The following RIT2 variants were observed in gnomAD, a reference collection of about 807,000 sequenced individuals.
RIT2 encodes Ras like without CAAX 2, also known as GTP-binding protein Rit2.
A neutral mutation model predicts 23.7 loss-of-function variants in RIT2; 24 were observed. That is an observed-to-expected ratio of 1.01 (90% CI 0.73 to 1.43). The LOEUF (loss-of-function observed/expected upper bound fraction) is 1.43. Among genes scored for constraint, RIT2 ranks in the 40% most tolerant of loss-of-function variants. The pLI, the probability that RIT2 is intolerant of heterozygous loss-of-function variation, is 0.00. For synonymous variants in RIT2, 107 were observed against 91.1 expected (o/e 1.17, Z -0.99); for missense variants, 236 against 266.9 (o/e 0.88, Z 0.81).
intron 3 of RIT2, among the ~76,000 whole-genome samples, chr18:42,954,148 C>T (rs1909916230): frequency 6.6e-6 from 1 of 152,014 alleles, no homozygotes; most frequent in Admixed American, 6.6e-5. Context: ...GAGGCCGAGG[C>T]AGGCAGGTCA....
intron 2 of RIT2, among the ~76,000 whole-genome samples, chr18:42,983,612 A>C (rs1401497643): frequency 6.6e-6 from 1 of 152,040 alleles, no homozygotes; most frequent in African/African-American, 2.4e-5. Context: ...TTGACAAAAA[A>C]CTCATGTTTA....
chr18:42,757,646 T>C (rs1034094313), intron 4 of RIT2, among the ~76,000 whole-genome samples: 1 of 152,208 alleles, frequency 6.6e-6, no homozygotes, highest in Non-Finnish European at 1.5e-5. Flanking sequence ...CCTGTGCTTA[T>C]TGGTACCACT....
In RIT2 at chr18:42,856,827, C is replaced by CTTTTTTTTTTT. The variant is rs756725926; in HGVS notation, c.426+66734_426+66744dup. Among the ~76,000 whole-genome samples the CTTTTTTTTTTT allele has an allele frequency of 1.1e-4, 13 of 114,616 alleles. 1 individual carries two copies. Among genetic ancestry groups the CTTTTTTTTTTT allele is most frequent in the African/African-American group, 4.6e-4 (12 of 26,356 alleles). 75.2% of individuals were successfully genotyped at this position (114,616 alleles called of 152,430 possible). ...AAGTCTTTTTCTTTTCTCTCTCTCT[C>CTTTTTTTTTTT]TTTTTTTTTTTTTTTTTTTTGAGAC... On this transcript the variant is annotated intron_variant, in intron 4 of 4. Transcript: ENST00000326695.
chr18:42,949,999 C>T (rs1164373241), intron 3 of RIT2, among the ~76,000 whole-genome samples: 1 of 152,068 alleles, frequency 6.6e-6, no homozygotes, highest in Non-Finnish European at 1.5e-5. Context: ...ATTAAAACAG[C>T]TCATGCACAA....
At chr18:42,766,125 G>A (rs1250859462) in intron 4 of RIT2, among the ~76,000 whole-genome samples, 1 of 152,146 alleles carries the variant, frequency 6.6e-6, no homozygotes, top group African/African-American at 2.4e-5. Flanking sequence ...AGAGTGGTGT[G>A]TTGCTGAAAA....
At chr18:43,032,991 G>T (rs1482227940) in intron 2 of RIT2, among the ~76,000 whole-genome samples, 1 of 152,128 alleles carries the variant, frequency 6.6e-6, no homozygotes, top group African/African-American at 2.4e-5. Flanking sequence ...GTAATGGGGA[G>T]TGGTTAAAGG....
In RIT2 at chr18:42,923,770, G is replaced by GA. The variant is rs10633642; in HGVS notation, c.235-8dup. 0.1 allele frequency: 139,589 copies of GA among 1,385,392 alleles called. 1,379 individuals carry two copies. The highest frequency in any genetic ancestry group is 0.24 in the African/African-American group (16,174 of 66,026). The allele number at this position is 1,385,392 out of a possible 1,614,324, so 85.8% of individuals were successfully genotyped here. A position where few individuals can be genotyped will look rare whatever the true frequency, so the allele number is the denominator to read the frequency against. On this transcript the variant is annotated splice_polypyrimidine_tract_variant and splice_region_variant and intron_variant, in intron 3 of 4. Coordinates refer to ENST00000326695, the MANE Select transcript of RIT2 (RefSeq NM_002930.4). ...GCATGGCTGTGAATTCTGCCTGCAG[G>GA]AAAAAAAAAAAAAAATTAGTTATGG...
At chr18:43,035,506 C>T (rs916514286) in intron 1 of RIT2, among the ~76,000 whole-genome samples, 7 of 152,054 alleles carry the variant, frequency 4.6e-5, no homozygotes, top group Admixed American at 1.3e-4. Flanking sequence ...TCCTCTGAAC[C>T]CTCTTCTCAC....
chr18:42,954,374 C>CAAAAA, intron 3 of RIT2, among the ~76,000 whole-genome samples: 1 of 86,332 alleles, frequency 1.2e-5, no homozygotes, highest in Non-Finnish European at 2.8e-5. Context: ...ATTTCCAACT[C>CAAAAA]AAAAAAAAAA....
At chr18:43,100,440 G>T (rs1031453187) in intron 1 of RIT2, among the ~76,000 whole-genome samples, 2 of 152,150 alleles carry the variant, frequency 1.3e-5, no homozygotes, top group African/African-American at 4.8e-5. Context: ...TGCTGTGAGT[G>T]AAACAAGAGC....
intron 3 of RIT2, among the ~76,000 whole-genome samples, chr18:42,950,577 A>G (rs1401483708): frequency 6.6e-6 from 1 of 152,116 alleles, no homozygotes; most frequent in African/African-American, 2.4e-5. Context: ...TCTGCACCGC[A>G]AAAGAAACTT....
At chr18:43,018,175 C>A (rs763190387) in intron 2 of RIT2, among the ~76,000 whole-genome samples, 2 of 151,990 alleles carry the variant, frequency 1.3e-5, no homozygotes, top group Non-Finnish European at 2.9e-5. Context: ...CCTCACACTG[C>A]CCCTAACGCG....
At chr18:43,027,352 A>G (rs1041904268) in intron 2 of RIT2, among the ~76,000 whole-genome samples, 1 of 152,116 alleles carries the variant, frequency 6.6e-6, no homozygotes, top group African/African-American at 2.4e-5. Flanking sequence ...TTTAGAGTGC[A>G]AAGACACCAT....
At chr18:42,889,827 A>G (rs1445050795) in intron 4 of RIT2, among the ~76,000 whole-genome samples, 3 of 152,130 alleles carry the variant, frequency 2.0e-5, no homozygotes, top group Non-Finnish European at 4.4e-5. Flanking sequence ...TGCAGAAAGA[A>G]CATTAGTTTT....
intron 4 of RIT2, among the ~76,000 whole-genome samples, chr18:42,863,014 G>T (rs1305178341): frequency 6.6e-6 from 1 of 151,014 alleles, no homozygotes; most frequent in African/African-American, 2.4e-5. Context: ...ATAGCAATTT[G>T]GGATTCACAT....
chr18:42,894,490 A>C (rs539939070), intron 4 of RIT2, among the ~76,000 whole-genome samples: 86 of 152,316 alleles, frequency 5.6e-4, no homozygotes, highest in African/African-American at 2.0e-3. Context: ...ACAACACTTA[A>C]TATAAGTACA....
At chr18:42,886,559 G>A (rs1394788359) in intron 4 of RIT2, among the ~76,000 whole-genome samples, 2 of 152,174 alleles carry the variant, frequency 1.3e-5, no homozygotes, top group Non-Finnish European at 2.9e-5. Context: ...ATGCAAACGG[G>A]TGTAAATCTT....
Position 42,884,727 on chromosome 18 carries a change from CAG to C in RIT2, c.426+38843_426+38844del, listed in dbSNP as rs1907977302. Among the ~76,000 whole-genome samples the C allele has an allele frequency of 3.3e-5, 5 of 152,216 alleles. No homozygotes were observed. In the South Asian group the frequency reaches 1.0e-3, roughly 32 times the overall value. ...ATGCTACCTGACAAGCATGGGAAAA[CAG>C]AATGCAGAATAGGTAAAACTTCAGT... On this transcript the variant is annotated intron_variant, in intron 4 of 4. Coordinates refer to ENST00000326695, the MANE Select transcript of RIT2 (RefSeq NM_002930.4).
chr18:43,017,118 G>T (rs762437414), intron 2 of RIT2, among the ~76,000 whole-genome samples: 2 of 151,858 alleles, frequency 1.3e-5, no homozygotes, highest in African/African-American at 4.8e-5. Flanking sequence ...GTACTGAGCG[G>T]TATGTTACAA....
Sources: gnomAD v4.1 joint callset for allele counts (sites outside exome capture counted in the v4.1 genomes callset) on GRCh38, gnomAD v4.1.1 for gene constraint, MANE v1.5 for transcripts, NCBI Gene and HGNC (gene_info 2026-07-23, HGNC 2026-07-21) for gene names.